The following KLF17 variants were observed in gnomAD, a reference collection of about 807,000 sequenced individuals.
KLF17 encodes KLF transcription factor 17.
A neutral mutation model predicts 34.2 loss-of-function variants in KLF17; 31 were observed. That is an observed-to-expected ratio of 0.91 (90% confidence interval 0.68 to 1.22). The LOEUF is 1.22. KLF17 is among the 50% of genes most tolerant of loss of function. KLF17 has a pLI of 0.00. For missense variants in KLF17, 478 were observed against 505.2 expected, an observed-to-expected ratio of 0.95 and a Z score of 0.52; for synonymous variants, 179 against 186.7, an observed-to-expected ratio of 0.96 and a Z score of 0.34.
chr1:44,085,059 T>C, the KLF17 span, among the ~76,000 whole-genome samples: 1 of 151,710 alleles, frequency 6.6e-6, no homozygotes, highest in Non-Finnish European at 1.5e-5. Flanking sequence ...ATTCATTCAG[T>C]GAATGTTTAT....
the KLF17 span, among the ~76,000 whole-genome samples, chr1:44,062,563 TAA>T: frequency 7.8e-4 from 115 of 147,144 alleles, no homozygotes; most frequent in African/African-American, 2.3e-3. Flanking sequence ...ATTAATTAAT[TAA>T]AAAAAAAAAG....
chr1:44,126,970 G>A (rs889505655), intron 1 of KLF17, among the ~76,000 whole-genome samples: 3 of 151,758 alleles, frequency 2.0e-5, no homozygotes, highest in African/African-American at 4.8e-5. Context: ...ATCACAGCTC[G>A]CTGCAGCTTC....
At position 44,129,980 on chromosome 1, in the gene KLF17, G is replaced by GA. The variant is rs758656676; in HGVS notation, c.710dup (p.Asp237GlufsTer38). 1.2e-6 allele frequency: 2 copies of GA among 1,614,132 alleles called. No homozygotes were observed. Among genetic ancestry groups the GA allele is most frequent in the Non-Finnish European group, 1.7e-6 (2 of 1,180,022 alleles). On this transcript the variant is annotated frameshift_variant, in exon 2 of 4. Transcript: ENST00000372299. LOFTEE classifies it high-confidence loss of function. ...GTCATTGCTGGTTTTAGGATCTCAGGACTCTCTTGTCAGTCAGCCAGACTC... is the reference window on the plus strand; with the variant it reads ...GTCATTGCTGGTTTTAGGATCTCAGGAACTCTCTTGTCAGTCAGCCAGACTC...
At chr1:44,049,259 A>T in the KLF17 span, among the ~76,000 whole-genome samples, 3 of 151,850 alleles carry the variant, frequency 2.0e-5, no homozygotes, top group Non-Finnish European at 4.4e-5. Context: ...CTTCCCAACG[A>T]CCCCGTCTCC....
At chr1:44,080,713 A>ATTTTTTTTTT in the KLF17 span, among the ~76,000 whole-genome samples, 1 of 92,674 alleles carries the variant, frequency 1.1e-5, no homozygotes. Flanking sequence ...ATTATATTGA[A>ATTTTTTTTTT]TTTTTTTTTT....
the KLF17 span, among the ~76,000 whole-genome samples, chr1:44,098,508 C>G: frequency 2.2e-5 from 3 of 139,488 alleles, no homozygotes; most frequent in Admixed American, 2.1e-4. Context: ...ATTTTTAAAT[C>G]TTTTTTGTGA....
At chr1:44,117,759 T>C (rs1458561260), upstream of KLF17, among the ~76,000 whole-genome samples, 1 of 152,144 alleles carries the variant, frequency 6.6e-6, no homozygotes, top group Non-Finnish European at 1.5e-5. Flanking sequence ...CCTCCCAAAG[T>C]GCTGGCGTTG....
At chr1:44,081,431 T>C in the KLF17 span, among the ~76,000 whole-genome samples, 1 of 150,860 alleles carries the variant, frequency 6.6e-6, no homozygotes, top group Non-Finnish European at 1.5e-5. Context: ...TTTTTTTTTT[T>C]CTTTTGAGAC....
chr1:44,124,495 A>ATATTT (rs1553171321), intron 1 of KLF17, among the ~76,000 whole-genome samples: 4 of 112,406 alleles, frequency 3.6e-5, no homozygotes, highest in African/African-American at 1.4e-4. Flanking sequence ...CACTTGGCTA[A>ATATTT]TTTTTTTTTT....
the KLF17 span, among the ~76,000 whole-genome samples, chr1:44,089,337 A>G: frequency 6.6e-6 from 1 of 152,220 alleles, no homozygotes; most frequent in Non-Finnish European, 1.5e-5. Context: ...GGGCAGAGGA[A>G]GAACTTGAAC....
the KLF17 span, chr1:44,044,576 TA>T: frequency 7.9e-5 from 12 of 152,342 alleles, no homozygotes; most frequent in African/African-American, 2.9e-4. Context: ...CAACAGCATC[TA>T]GGGGGGCAGA....
intron 3 of KLF17, among the ~76,000 whole-genome samples, chr1:44,132,899 G>A (rs2108304): frequency 0.31 from 47,753 of 152,066 alleles, 7,548 homozygotes; most frequent in South Asian, 0.43. Flanking sequence ...GAAATTGATA[G>A]AGAGAAAGGA....
chr1:44,104,475 T>G, the KLF17 span: 7 of 782,970 alleles, frequency 8.9e-6, no homozygotes, highest in Non-Finnish European at 1.6e-5. Flanking sequence ...GGCAAACTTG[T>G]TGGTGGGGTT....
intron 1 of KLF17, among the ~76,000 whole-genome samples, chr1:44,119,558 C>T (rs949023313): frequency 6.6e-6 from 1 of 152,082 alleles, no homozygotes; most frequent in Non-Finnish European, 1.5e-5. Flanking sequence ...AATTGTACAG[C>T]GTTACATGAA....
chr1:44,106,995 T>C, the KLF17 span: 3 of 152,194 alleles, frequency 2.0e-5, no homozygotes, highest in African/African-American at 7.2e-5. Context: ...TTATCTCTGG[T>C]TTATCTGGCT....
At chr1:44,122,592 G>A (rs544213993) in intron 1 of KLF17, 18 of 720,438 alleles carry the variant, frequency 2.5e-5, no homozygotes, top group Middle Eastern at 4.9e-4. Context: ...AGTATGAATG[G>A]CCGTTTTTGG....
chr1:44,099,901 GAAA>G, the KLF17 span, among the ~76,000 whole-genome samples: 2 of 69,408 alleles, frequency 2.9e-5, no homozygotes, highest in Non-Finnish European at 6.1e-5. Context: ...AAGAAAGAAA[GAAA>G]GAAAGAAAGA....
the KLF17 span, among the ~76,000 whole-genome samples, chr1:44,082,736 C>G: frequency 6.6e-6 from 1 of 152,104 alleles, no homozygotes; most frequent in Non-Finnish European, 1.5e-5. Context: ...TTTGATAATT[C>G]TGTTCTTTCT....
chr1:44,073,785 T>C, the KLF17 span, among the ~76,000 whole-genome samples: 7 of 152,308 alleles, frequency 4.6e-5, no homozygotes, highest in South Asian at 1.0e-3. Context: ...GTCTGCTCTT[T>C]GTAGAAGTCT....
Sources: gnomAD v4.1 joint callset for allele counts (sites outside exome capture counted in the v4.1 genomes callset) on GRCh38, gnomAD v4.1.1 for gene constraint, MANE v1.5 for transcripts, NCBI Gene and HGNC (gene_info 2026-07-23, HGNC 2026-07-21) for gene names.